PRDM1: variants seen among roughly 807,000 people sequenced by gnomAD.
PRDM1 encodes the protein PR/SET domain 1, also known as PR domain zinc finger protein 1.
In PRDM1, 13 loss-of-function variants were observed where a neutral mutation model predicts 62.8. The ratio of observed to expected loss-of-function variants is 0.21; its 90% confidence interval spans 0.13 to 0.33. PRDM1 has a LOEUF of 0.33. Ranked by LOEUF, PRDM1 falls within the 10% of genes least tolerant of loss-of-function variation. The pLI is 1.00. For synonymous variants in PRDM1, 396 were observed against 417.6 expected (o/e 0.95, Z 0.63); for missense variants, 895 against 1,058.8 (o/e 0.85, Z 2.15).
At chr6:106,062,259 ATTTC>A (rs1773356265) in intron 1 of PRDM1, among the ~76,000 whole-genome samples, 1 of 152,162 alleles carries the variant, frequency 6.6e-6, no homozygotes, top group Admixed American at 6.5e-5. Flanking sequence ...CATGTGCAGT[ATTTC>A]TTTTTATTCT....
intron 4 of PRDM1, among the ~76,000 whole-genome samples, chr6:106,103,574 T>C (rs1774338704): frequency 6.6e-6 from 1 of 152,170 alleles, no homozygotes; most frequent in Non-Finnish European, 1.5e-5. Flanking sequence ...GTTTTACTTT[T>C]GGTTTCCAGG....
At chr6:106,006,988 T>G (rs1772491492) in intron 1 of PRDM1, among the ~76,000 whole-genome samples, 1 of 152,006 alleles carries the variant, frequency 6.6e-6, no homozygotes, top group Non-Finnish European at 1.5e-5. Context: ...TCATGCTTAT[T>G]ATCTGCAGCA....
intron 1 of PRDM1, among the ~76,000 whole-genome samples, chr6:106,001,439 TATAG>T (rs1299422612): frequency 7.2e-5 from 11 of 152,346 alleles, no homozygotes; most frequent in African/African-American, 2.6e-4. Context: ...ATCTAAAAGT[TATAG>T]ATATAGTTAC....
intron 1 of PRDM1, among the ~76,000 whole-genome samples, chr6:106,049,524 C>A (rs1383551439): frequency 6.6e-6 from 1 of 152,188 alleles, no homozygotes; most frequent in Non-Finnish European, 1.5e-5. Flanking sequence ...CTTTGCTTGT[C>A]CAGCTGTGGC....
intron 1 of PRDM1, among the ~76,000 whole-genome samples, chr6:106,015,534 A>C (rs116932474): frequency 0.029 from 4,355 of 151,398 alleles, 93 homozygotes; most frequent in Non-Finnish European, 0.046. Flanking sequence ...CTAAAGAAAC[A>C]CTAGAAGAAT....
At chr6:106,032,579 A>G (rs1434129923) in intron 1 of PRDM1, among the ~76,000 whole-genome samples, 1 of 152,158 alleles carries the variant, frequency 6.6e-6, no homozygotes, top group African/African-American at 2.4e-5. Flanking sequence ...CTAGGACTAC[A>G]GGCTTGTGCC....
rs773125609 is a variant in PRDM1 at position 106,106,413 on chromosome 6, C to G, written c.1816C>G (p.Gln606Glu). The change falls in exon 6 of 7, where the codon CAG becomes GAG. Residue 606 changes from glutamine to glutamate, a missense_variant. Transcript: ENST00000369096. This position sits in a 1 kb window ranked among gnomAD's most constrained non-coding sequence, Gnocchi z 4.4. ...CAGTGGAGAACGGCCTTTCAAATGTCAGACTTGCAACAAGGGCTTTACTCA... is the reference window on the plus strand; with the variant it reads ...CAGTGGAGAACGGCCTTTCAAATGTGAGACTTGCAACAAGGGCTTTACTCA... ...VHSGERPFKC[Q>E]TCNKGFTQLA... The G allele has an allele frequency of 6.2e-7, 1 of 1,614,170 alleles. No individual in the cohort carries two copies. Among genetic ancestry groups the G allele is most frequent in the Non-Finnish European group, 8.5e-7 (1 of 1,180,026 alleles).
At chr6:106,013,861 C>A (rs1289662580) in intron 1 of PRDM1, among the ~76,000 whole-genome samples, 1 of 152,098 alleles carries the variant, frequency 6.6e-6, no homozygotes, top group African/African-American at 2.4e-5. Flanking sequence ...TTGTTCCCCT[C>A]CCTTTATGGG....
Position 106,058,762 on chromosome 6 carries a change from G to A in PRDM1, c.-67+10048G>A, listed in dbSNP as rs1335256156. Among the ~76,000 whole-genome samples, 5 of 152,100 alleles carry A rather than the reference G, an allele frequency of 3.3e-5. No homozygotes were observed. The East Asian group carries it at 7.7e-4, about 23-fold the overall frequency. On this transcript the variant is annotated intron_variant, in intron 1 of 6. Transcript: ENST00000651185. ...TAATTTTGTATTTTTAGTAGAGGCG[G>A]TTTCTCCATGTTGGTCAGGCTGGTC... is the stretch of plus-strand genomic sequence containing the variant.
rs377070909 is a variant in PRDM1 at position 106,056,970 on chromosome 6, C to T, written c.-67+8256C>T. ...TTTTCAGAATGTGGATTCACAAGTGCTCAAGGAATATGACTTCAGCACTAT... is the reference window on the plus strand; with the variant it reads ...TTTTCAGAATGTGGATTCACAAGTGTTCAAGGAATATGACTTCAGCACTAT... On this transcript the variant is annotated intron_variant, in intron 1 of 6. Coordinates refer to the PRDM1 transcript ENST00000651185. 5.3e-5 allele frequency among the ~76,000 whole-genome samples: 8 copies of T among 152,270 alleles called. No individual in the cohort carries two copies. The East Asian group carries it at 7.7e-4, about 15-fold the overall frequency.
At chr6:106,093,260 G>A (rs1402486324) in intron 2 of PRDM1, among the ~76,000 whole-genome samples, 2 of 152,120 alleles carry the variant, frequency 1.3e-5, no homozygotes, top group East Asian at 3.8e-4. Flanking sequence ...TGTGTAAGAT[G>A]GATAACTGAA....
In PRDM1 at chr6:106,105,352, C is replaced by T. The variant is rs1562174012; in HGVS notation, c.1192C>T (p.Leu398Phe). 1 of 1,613,664 alleles carries T rather than the reference C, an allele frequency of 6.2e-7. No individual in the cohort carries two copies. The highest frequency in any genetic ancestry group is 8.5e-7 in the Non-Finnish European group (1 of 1,179,708). ...CCCTGGCTACGCACCCCTGCCCCAC[C>T]TCCCGCCAGCTTTCATCCCCTCGTA... ...SYPGYAPLPH[L>F]PPAFIPSYNA... is the part of the protein sequence containing the mutation. The change falls in exon 5 of 7, where the codon CTC (leucine) becomes TTC (phenylalanine). Residue 398 changes from leucine (L) to phenylalanine (F), a missense_variant. Coordinates refer to ENST00000369096, the MANE Select transcript of PRDM1 (RefSeq NM_001198.4).
At chr6:106,050,554 C>T (rs113268480) in intron 1 of PRDM1, among the ~76,000 whole-genome samples, 13 of 152,042 alleles carry the variant, frequency 8.6e-5, no homozygotes, top group Non-Finnish European at 1.5e-4. Context: ...CAGATGAGCT[C>T]GTTTCTGAAG....
chr6:106,080,415 G>A (rs116202244), intron 1 of PRDM1, among the ~76,000 whole-genome samples: 2,318 of 152,126 alleles, frequency 0.015, 62 homozygotes, highest in African/African-American at 0.052. Context: ...GCCCCCCACC[G>A]CAGCCCCCAG....
At chr6:105,999,915 G>A (rs544818163) in intron 1 of PRDM1, among the ~76,000 whole-genome samples, 1 of 152,094 alleles carries the variant, frequency 6.6e-6, no homozygotes, top group Admixed American at 6.5e-5. Context: ...GTGCAGTGGC[G>A]CCATCTCGGC....
intron 1 of PRDM1, among the ~76,000 whole-genome samples, chr6:105,997,476 ATTGT>A (rs1322829441): frequency 3.3e-5 from 5 of 152,196 alleles, no homozygotes; most frequent in African/African-American, 4.8e-5. Context: ...CTTTAAAAAA[ATTGT>A]TTGTTTGTTC....
chr6:106,075,945 A>C (rs1005540466), intron 1 of PRDM1, among the ~76,000 whole-genome samples: 1 of 145,896 alleles, frequency 6.9e-6, no homozygotes, highest in Non-Finnish European at 1.5e-5. Flanking sequence ...AGGGAAAATT[A>C]AAAAAAAAAA....
At chr6:106,104,519 C>T (rs1774384895) in intron 4 of PRDM1, among the ~76,000 whole-genome samples, 1 of 152,080 alleles carries the variant, frequency 6.6e-6, no homozygotes. Context: ...CTTAGGCTAT[C>T]TTACTCCAGC....
At chr6:106,081,737 C>T (rs1007143702), upstream of PRDM1, among the ~76,000 whole-genome samples, 6 of 152,258 alleles carry the variant, frequency 3.9e-5, no homozygotes, top group Middle Eastern at 3.4e-3. Flanking sequence ...GAGAAGAAAT[C>T]GTCAGTCCCA....
Sources: gnomAD v4.1 joint callset for allele counts (sites outside exome capture counted in the v4.1 genomes callset) on GRCh38, gnomAD v4.1.1 for gene constraint, Gnocchi (gnomAD v3.1) non-coding constraint, MANE v1.5 for transcripts, NCBI Gene and HGNC (gene_info 2026-07-23, HGNC 2026-07-21) for gene names.